Variants in ANKRD28 observed in about 807,000 individuals in gnomAD.
ANKRD28 encodes serine/threonine-protein phosphatase 6 regulatory ankyrin repeat subunit A.
Under a neutral mutation model 126.5 loss-of-function variants are expected in ANKRD28, and 44 were observed. The observed-to-expected ratio is 0.35, with a 90% CI of 0.27 to 0.45. The LOEUF is 0.45. ANKRD28 is among the 20% of genes least tolerant of loss of function. The probability of loss-of-function intolerance (pLI) is 1.00; values close to 1 mark genes in which losing one functional copy is unlikely to be tolerated. For missense variants in ANKRD28, 1,110 were observed against 1,316.6 expected, an observed-to-expected ratio of 0.84 and a Z score of 2.43; for synonymous variants, 442 against 468.5, an observed-to-expected ratio of 0.94 and a Z score of 0.73.
chr3:15,716,459 T>C (rs1179530520), intron 8 of ANKRD28, among the ~76,000 whole-genome samples: 1 of 151,830 alleles, frequency 6.6e-6, no homozygotes, highest in African/African-American at 2.4e-5. Flanking sequence ...ACCTGGCTAA[T>C]TTATTTTTTG....
intron 18 of ANKRD28, among the ~76,000 whole-genome samples, chr3:15,687,069 A>G (rs369826747): frequency 1.3e-4 from 20 of 151,886 alleles, no homozygotes; most frequent in African/African-American, 4.6e-4. Flanking sequence ...CAGCCTCCCA[A>G]GTAGCTGGGA....
At position 15,706,004 on chromosome 3, in the gene ANKRD28, A is replaced by G. The variant is rs180862952; in HGVS notation, c.1547+1920T>C. Among the ~76,000 whole-genome samples, 690 of 151,436 alleles carry G rather than the reference A, an allele frequency of 4.6e-3. 3 individuals carry two copies. Among genetic ancestry groups the G allele is most frequent in the Middle Eastern group, 0.017 (5 of 294 alleles). ...CGACAAAGCAAGATTCCATCTCAAA[A>G]CGAAACAAAACAACAAACAACAAAA... On this transcript the variant is annotated intron_variant, in intron 14 of 27. Transcript: ENST00000683139.
At chr3:15,687,408 A>C (rs2068260366) in intron 18 of ANKRD28, among the ~76,000 whole-genome samples, 1 of 152,174 alleles carries the variant, frequency 6.6e-6, no homozygotes, top group Admixed American at 6.5e-5. Context: ...AAATGCATAA[A>C]ATGGGCAAGG....
intron 4 of ANKRD28, among the ~76,000 whole-genome samples, chr3:15,744,209 G>A (rs1213660262): frequency 6.6e-6 from 1 of 152,138 alleles, no homozygotes; most frequent in African/African-American, 2.4e-5. Flanking sequence ...ATGATACTCA[G>A]TGTTTACAGA....
At chr3:15,759,790 A>G (rs1460770945) in intron 3 of ANKRD28, among the ~76,000 whole-genome samples, 1 of 152,214 alleles carries the variant, frequency 6.6e-6, no homozygotes, top group African/African-American at 2.4e-5. Context: ...GATCTTGGGA[A>G]GGTTACCGAG....
intron 7 of ANKRD28, 23 bp from the exon 8 acceptor site, chr3:15,721,150 G>GA: frequency 6.3e-7 from 1 of 1,583,300 alleles, no homozygotes. Context: ...AAAAAAATGC[G>GA]AATGTTAAAG....
At chr3:15,850,224 T>TAAATATAGAGAGAG (rs1418223588) in intron 1 of ANKRD28, among the ~76,000 whole-genome samples, 1 of 35,112 alleles carries the variant, frequency 2.8e-5, no homozygotes, top group Non-Finnish European at 6.0e-5. Context: ...TATATATATA[T>TAAATATAGAGAGAG]AGAGAGAGAG....
At chr3:15,810,713 T>C (rs980572056) in intron 1 of ANKRD28, among the ~76,000 whole-genome samples, 1 of 146,520 alleles carries the variant, frequency 6.8e-6, no homozygotes, top group Non-Finnish European at 1.5e-5. Flanking sequence ...TTTTTTTTTT[T>C]TTCCCCTAAG....
At chr3:15,757,735 CTG>C (rs2058242228) in intron 3 of ANKRD28, among the ~76,000 whole-genome samples, 1 of 152,162 alleles carries the variant, frequency 6.6e-6, no homozygotes, top group Non-Finnish European at 1.5e-5. Context: ...GGCCCCAGAA[CTG>C]AGAAAAATTT....
At chr3:15,744,862 G>C (rs192576716) in intron 4 of ANKRD28, among the ~76,000 whole-genome samples, 2 of 152,214 alleles carry the variant, frequency 1.3e-5, no homozygotes, top group Non-Finnish European at 2.9e-5. Flanking sequence ...CCCACCGACA[G>C]TGTAAAAGTG....
At chr3:15,711,429 A>T (rs1282147902) in intron 11 of ANKRD28, among the ~76,000 whole-genome samples, 155 bp from the exon 12 acceptor site, 2 of 152,228 alleles carry the variant, frequency 1.3e-5, no homozygotes, top group Non-Finnish European at 2.9e-5. Context: ...GCAATAGGAT[A>T]CAATGGAGTA....
intron 18 of ANKRD28, among the ~76,000 whole-genome samples, chr3:15,689,617 G>GA (rs1476454714): frequency 6.6e-6 from 1 of 152,186 alleles, no homozygotes; most frequent in Admixed American, 6.5e-5. Context: ...GGACAGGCTG[G>GA]AGCATGAGGG....
intron 2 of ANKRD28, among the ~76,000 whole-genome samples, chr3:15,773,101 G>T (rs2059096625): frequency 6.6e-6 from 1 of 150,834 alleles, no homozygotes; most frequent in African/African-American, 2.4e-5. Flanking sequence ...AGTCATAGAT[G>T]GCATATTATT....
At chr3:15,739,216 A>C (rs1222825163) in intron 4 of ANKRD28, among the ~76,000 whole-genome samples, 1 of 152,242 alleles carries the variant, frequency 6.6e-6, no homozygotes, top group Admixed American at 6.5e-5. Context: ...ATTAAAGTAA[A>C]GACAGGCATA....
intron 1 of ANKRD28, among the ~76,000 whole-genome samples, chr3:15,857,576 C>T (rs1483914510): frequency 3.9e-5 from 6 of 152,220 alleles, no homozygotes; most frequent in Non-Finnish European, 7.3e-5. Context: ...TGAGCCACCG[C>T]GCCTGGCCGC....
At position 15,812,780 on chromosome 3, in the gene ANKRD28, A is replaced by C. The variant is rs1385494915; in HGVS notation, c.28-17474T>G. Among the ~76,000 whole-genome samples, 1 of 152,210 alleles carries C rather than the reference A, an allele frequency of 6.6e-6. No individual in the cohort carries two copies. Among genetic ancestry groups the C allele is most frequent in the Non-Finnish European group, 1.5e-5 (1 of 68,024 alleles). ...CAGCCATCCCACAGAACAACAAATAAGTCATTCTATGTACTTTTTTAAAAG... is the reference window on the plus strand; with the variant it reads ...CAGCCATCCCACAGAACAACAAATACGTCATTCTATGTACTTTTTTAAAAG... On this transcript the variant is annotated intron_variant, in intron 1 of 27. Transcript: ENST00000399451. This position sits in a 1 kb window ranked among gnomAD's most constrained non-coding sequence, Gnocchi z 4.1.
chr3:15,735,525 C>A lies in ANKRD28; in HGVS notation c.553-28G>T, dbSNP rs2074958087. On this transcript the variant is annotated intron_variant, in intron 5 of 27. Coordinates refer to ENST00000683139, the MANE Select transcript of ANKRD28 (RefSeq NM_001349278.2). ...GGAATAGAAGTAAACACAGTGTCATCAAAATTGTGAAGCACAATTGTCTAT... is the reference window on the plus strand; with the variant it reads ...GGAATAGAAGTAAACACAGTGTCATAAAAATTGTGAAGCACAATTGTCTAT... 7 of 1,491,236 alleles carry A rather than the reference C, an allele frequency of 4.7e-6. No homozygotes were observed. The East Asian group carries it at 1.7e-4, about 37-fold the overall frequency. 92.4% of individuals were successfully genotyped at this position (1,491,236 alleles called of 1,614,324 possible).
chr3:15,818,968 G>T (rs2060887981), intron 1 of ANKRD28, among the ~76,000 whole-genome samples: 1 of 152,138 alleles, frequency 6.6e-6, no homozygotes, highest in Non-Finnish European at 1.5e-5. Context: ...AAAATTGAGG[G>T]ATTCATACTA....
chr3:15,716,783 C>T (rs1018030999), intron 8 of ANKRD28, among the ~76,000 whole-genome samples: 10 of 152,128 alleles, frequency 6.6e-5, no homozygotes, highest in African/African-American at 2.2e-4. Flanking sequence ...ATACATAGCA[C>T]GTTTCACGCA....
Sources: allele counts gnomAD v4.1 joint callset (sites outside exome capture counted in the v4.1 genomes callset), GRCh38; gene constraint gnomAD v4.1.1; non-coding constraint Gnocchi (gnomAD v3.1); transcripts MANE v1.5; gene names NCBI Gene and HGNC (gene_info 2026-07-23, HGNC 2026-07-21).